Variants in ABHD17B observed in about 807,000 individuals in gnomAD.
ABHD17B encodes the protein abhydrolase domain containing 17B, depalmitoylase, also known as alpha/beta hydrolase domain-containing protein 17B.
Under a neutral mutation model 26.2 loss-of-function variants are expected in ABHD17B, and 9 were observed. That is an observed-to-expected ratio of 0.34 (90% CI 0.21 to 0.60). The LOEUF is 0.60. Ranked by LOEUF, ABHD17B falls within the 20% of genes least tolerant of loss-of-function variation. ABHD17B has a pLI of 0.80. For synonymous variants in ABHD17B, 127 were observed against 122.3 expected (o/e 1.04, Z -0.25); for missense variants, 224 against 352.1 (o/e 0.64, Z 2.91).
At position 71,906,269 on chromosome 9, in the gene ABHD17B, T is replaced by C. The variant is rs117295984; in HGVS notation, c.-4+4365A>G. 5.6e-3 allele frequency among the ~76,000 whole-genome samples: 847 copies of C among 152,326 alleles called. 4 individuals are homozygous for C. The highest frequency in any genetic ancestry group is 0.01 in the Admixed American group (157 of 15,310). On this transcript the variant is annotated intron_variant, in intron 1 of 3. Coordinates refer to ENST00000333421, the MANE Select transcript of ABHD17B (RefSeq NM_001025780.3). ...GCAATCATTGTGTAAAGAGGTAAGA[T>C]TGCACTTTTATTTCTGTTTAAACTT...
intron 1 of ABHD17B, among the ~76,000 whole-genome samples, chr9:71,899,048 C>A (rs1284399969): frequency 6.6e-6 from 1 of 151,726 alleles, no homozygotes; most frequent in Non-Finnish European, 1.5e-5. Flanking sequence ...AGCTTGAACC[C>A]GGTAGGCAGA....
At chr9:71,876,472 T>C (rs1826279938) in intron 1 of ABHD17B, among the ~76,000 whole-genome samples, 2 of 152,178 alleles carry the variant, frequency 1.3e-5, no homozygotes, top group African/African-American at 4.8e-5. Flanking sequence ...GTTAGTTCTA[T>C]CAGTATTTCC....
In ABHD17B at chr9:71,910,652, G is replaced by C. The variant is rs890392455; in HGVS notation, c.-22C>G. The stretch of plus-strand genomic sequence containing the variant: ...CACGCACCTGCACCTGAGCGGCCCG[G>C]GCCGAAGCGCCGGGCAGAAGGGGTC... On this transcript the variant is annotated 5_prime_UTR_variant, in exon 1 of 4. Transcript: ENST00000333421. 1 of 152,182 alleles carries C rather than the reference G, an allele frequency of 6.6e-6. No individual in the cohort carries two copies. Among genetic ancestry groups the C allele is most frequent in the Non-Finnish European group, 1.5e-5 (1 of 68,054 alleles). The allele number at this position is 152,182 out of a possible 1,614,324, so 9.4% of individuals were successfully genotyped here. A position where few individuals can be genotyped will look rare whatever the true frequency, so the allele number is the denominator to read the frequency against.
chr9:71,891,045 T>G (rs1826765885), intron 1 of ABHD17B, among the ~76,000 whole-genome samples: 1 of 152,024 alleles, frequency 6.6e-6, no homozygotes, highest in African/African-American at 2.4e-5. Flanking sequence ...CCCACCCCCT[T>G]ACCCAAAGGT....
chr9:71,888,303 T>C (rs911962319), intron 1 of ABHD17B, among the ~76,000 whole-genome samples: 1 of 152,226 alleles, frequency 6.6e-6, no homozygotes, highest in African/African-American at 2.4e-5. Flanking sequence ...AAGCTAGACA[T>C]GAACAGACAC....
intron 1 of ABHD17B, among the ~76,000 whole-genome samples, chr9:71,898,666 C>T (rs1227866457): frequency 6.6e-6 from 1 of 151,594 alleles, no homozygotes; most frequent in Non-Finnish European, 1.5e-5. Context: ...AAACAACACA[C>T]ATGGGAAAGG....
rs1253547937 is a variant in ABHD17B, at chr9:71,910,790, C to A, written c.-160G>T. ...CCCGACAGAGGAGCGGGGACCAGGG[C>A]TACAGCCCCCGGCGCCGGGGCGAAG... On this transcript the variant is annotated 5_prime_UTR_variant, in exon 1 of 4. Coordinates refer to ENST00000333421, the MANE Select transcript of ABHD17B (RefSeq NM_001025780.3). 4.6e-5 allele frequency: 7 copies of A among 151,982 alleles called. No individual in the cohort carries two copies. The highest frequency in any genetic ancestry group is 8.8e-5 in the Non-Finnish European group (6 of 67,982). The allele number at this position is 151,982 out of a possible 1,614,324, so 9.4% of individuals were successfully genotyped here. A position where few individuals can be genotyped will look rare whatever the true frequency, so the allele number is the denominator to read the frequency against.
At chr9:71,888,778 T>C (rs1826687623) in intron 1 of ABHD17B, among the ~76,000 whole-genome samples, 1 of 151,832 alleles carries the variant, frequency 6.6e-6, no homozygotes, top group African/African-American at 2.4e-5. Flanking sequence ...TACCAAGCAG[T>C]AAATAAAATA....
chr9:71,867,452 T>C (rs1480952272), intron 3 of ABHD17B, among the ~76,000 whole-genome samples: 1 of 152,146 alleles, frequency 6.6e-6, no homozygotes, highest in Non-Finnish European at 1.5e-5. Flanking sequence ...AGGATAAAGA[T>C]ACAAAAACAA....
chr9:71,887,327 T>A (rs1239900384), intron 1 of ABHD17B, among the ~76,000 whole-genome samples: 2 of 152,170 alleles, frequency 1.3e-5, no homozygotes, highest in African/African-American at 4.8e-5. Context: ...GAAATGAAGA[T>A]GTTAGATCTA....
In ABHD17B at chr9:71,866,460, T is replaced by G. The variant is rs962118505; in HGVS notation, c.*327A>C. The G allele has an allele frequency of 3.9e-6, 4 of 1,018,544 alleles. No individual in the cohort carries two copies. In the African/African-American group the frequency reaches 6.8e-5, roughly 17 times the overall value. The allele number at this position is 1,018,544 out of a possible 1,614,324, so 63.1% of individuals were successfully genotyped here. On this transcript the variant is annotated 3_prime_UTR_variant, in exon 4 of 4. Transcript: ENST00000333421. ...GAGATGTTTTAAAAATATTTATAAA[T>G]TTGTTTCTAGTATGCAAAAGCATTT...
At chr9:71,870,844 G>T (rs1041145461) in intron 2 of ABHD17B, among the ~76,000 whole-genome samples, 2 of 152,136 alleles carry the variant, frequency 1.3e-5, no homozygotes, top group Admixed American at 1.3e-4. Context: ...ACTAATGGTT[G>T]AAAAGATAAA....
chr9:71,903,426 A>G (rs1165713489), intron 1 of ABHD17B, among the ~76,000 whole-genome samples: 1 of 152,212 alleles, frequency 6.6e-6, no homozygotes, highest in Non-Finnish European at 1.5e-5. Flanking sequence ...AAAGAAAGGA[A>G]AATATAATCA....
At chr9:71,903,197 T>TC (rs1443657977) in intron 1 of ABHD17B, among the ~76,000 whole-genome samples, 3 of 152,158 alleles carry the variant, frequency 2.0e-5, no homozygotes, top group Admixed American at 2.0e-4. Flanking sequence ...CTTTTTTTTT[T>TC]CACTGATAGA....
chr9:71,882,869 G>A (rs1826489056), intron 1 of ABHD17B, among the ~76,000 whole-genome samples: 1 of 151,950 alleles, frequency 6.6e-6, no homozygotes, highest in South Asian at 2.1e-4. Context: ...AACATTGCCG[G>A]GCGCAGTGGT....
chr9:71,895,473 C>T (rs1418556402), intron 1 of ABHD17B, among the ~76,000 whole-genome samples: 1 of 152,188 alleles, frequency 6.6e-6, no homozygotes, highest in African/African-American at 2.4e-5. Flanking sequence ...TCTGTCTTTG[C>T]AACTTACTCT....
chr9:71,872,535 G>A (rs1233597980), intron 2 of ABHD17B, among the ~76,000 whole-genome samples: 1 of 152,064 alleles, frequency 6.6e-6, no homozygotes, highest in East Asian at 1.9e-4. Flanking sequence ...TGACCCTTTT[G>A]CGTTACTGGG....
At chr9:71,863,989 T>C (rs550428819), downstream of ABHD17B, among the ~76,000 whole-genome samples, 1 of 152,290 alleles carries the variant, frequency 6.6e-6, no homozygotes, top group East Asian at 1.9e-4. Flanking sequence ...CATTTTCCCA[T>C]GATGTATTTT....
At chr9:71,874,259 A>G (rs1171390639) in intron 2 of ABHD17B, among the ~76,000 whole-genome samples, 1 of 151,776 alleles carries the variant, frequency 6.6e-6, no homozygotes, top group Non-Finnish European at 1.5e-5. Context: ...ATCATAGCTC[A>G]CTGCAGCCTC....
Sources: gnomAD v4.1 joint callset for allele counts (sites outside exome capture counted in the v4.1 genomes callset) on GRCh38, gnomAD v4.1.1 for gene constraint, MANE v1.5 for transcripts, NCBI Gene and HGNC (gene_info 2026-07-23, HGNC 2026-07-21) for gene names.